SLC35F2: variants seen among roughly 807,000 people sequenced by gnomAD.
SLC35F2 encodes queuine/queuosine transporter SLC35F2.
SLC35F2 carries 25 observed loss-of-function variants against 38.1 expected under a neutral mutation model. The ratio of observed to expected loss-of-function variants is 0.66; its 90% CI spans 0.48 to 0.92. SLC35F2 has a LOEUF of 0.92. Among genes scored for constraint, SLC35F2 ranks in the 40% least tolerant of loss-of-function variants. The pLI, the probability that SLC35F2 is intolerant of heterozygous loss-of-function variation, is 0.00. For synonymous variants in SLC35F2, 173 were observed against 181.7 expected, an observed-to-expected ratio of 0.95 and a Z score of 0.38; for missense variants, 409 against 452.9, an observed-to-expected ratio of 0.90 and a Z score of 0.88.
intron 7 of SLC35F2, among the ~76,000 whole-genome samples, chr11:107,796,401 A>G (rs1338810614): frequency 6.6e-6 from 1 of 152,220 alleles, no homozygotes; most frequent in Non-Finnish European, 1.5e-5. Context: ...GGACAAATGA[A>G]TAACGAAAAT....
chr11:107,809,329 C>CCAAAAAAA (rs1859445200), intron 3 of SLC35F2, among the ~76,000 whole-genome samples: 1 of 96,120 alleles, frequency 1.0e-5, no homozygotes. Context: ...ACTCAAAATA[C>CCAAAAAAA]AAAAAAAAAA....
Position 107,806,548 on chromosome 11 carries a change from T to C in SLC35F2, c.574+169A>G, listed in dbSNP as rs534212470. On this transcript the variant is annotated intron_variant, in intron 4 of 7. Coordinates refer to ENST00000525815, the MANE Select transcript of SLC35F2 (RefSeq NM_017515.5). ...ATTGGATGAATTCATAGACCTCAAT[T>C]AGATTTTATACTATCAACTGAATTC... 263 of 634,512 alleles carry C rather than the reference T, an allele frequency of 4.1e-4. No homozygotes were observed. The East Asian group carries it at 6.1e-3, about 15-fold the overall frequency. 39.3% of individuals were successfully genotyped at this position (634,512 alleles called of 1,614,324 possible). A position where few individuals can be genotyped will look rare whatever the true frequency, so the allele number is the denominator to read the frequency against.
chr11:107,835,745 GT>G (rs11426776), intron 1 of SLC35F2, among the ~76,000 whole-genome samples: 80,711 of 151,772 alleles, frequency 0.53, 22,574 homozygotes, highest in African/African-American at 0.73. Flanking sequence ...AATTCAGCAT[GT>G]TTTTTTTAGA....
intron 7 of SLC35F2, among the ~76,000 whole-genome samples, chr11:107,796,733 A>G (rs1859223152): frequency 6.6e-6 from 1 of 152,116 alleles, no homozygotes. Flanking sequence ...CAGTAGTTCA[A>G]TTTCAGCTCA....
At chr11:107,818,881 C>G (rs1268756354) in intron 1 of SLC35F2, among the ~76,000 whole-genome samples, 1 of 152,178 alleles carries the variant, frequency 6.6e-6, no homozygotes, top group Non-Finnish European at 1.5e-5. Context: ...TGGCTCACGC[C>G]TGTAATTCCA....
chr11:107,810,902 T>G (rs1237168687), intron 3 of SLC35F2: 2 of 980,688 alleles, frequency 2.0e-6, no homozygotes, highest in Non-Finnish European at 2.4e-6. Context: ...GAAAGGGACA[T>G]ATCAAAAAGT....
At chr11:107,804,105 G>A (rs756366935) in intron 6 of SLC35F2, among the ~76,000 whole-genome samples, 3 of 151,646 alleles carry the variant, frequency 2.0e-5, no homozygotes, top group Non-Finnish European at 4.4e-5. Context: ...CAAAGTGCTG[G>A]GATTACGGGC....
chr11:107,852,326 C>T (rs375069946), intron 1 of SLC35F2, among the ~76,000 whole-genome samples: 9 of 151,608 alleles, frequency 5.9e-5, no homozygotes, highest in African/African-American at 1.2e-4. Flanking sequence ...CCGAGGCAGG[C>T]GAATCACGAG....
chr11:107,858,632 A>C (rs762668147), intron 1 of SLC35F2, 26 bp downstream of exon 1: 2 of 1,269,076 alleles, frequency 1.6e-6, no homozygotes, highest in African/African-American at 3.1e-5. Flanking sequence ...GCCCCAGCGG[A>C]GCTGCAGCAC....
At chr11:107,829,852 A>G (rs1859808954) in intron 1 of SLC35F2, among the ~76,000 whole-genome samples, 1 of 152,192 alleles carries the variant, frequency 6.6e-6, no homozygotes, top group African/African-American at 2.4e-5. Flanking sequence ...GCAACAAACT[A>G]TAGTGGTGCT....
chr11:107,806,912 C>T (rs750895895), intron 3 of SLC35F2, 36 bp from the exon 4 acceptor site: 2 of 1,588,042 alleles, frequency 1.3e-6, no homozygotes, highest in Non-Finnish European at 1.7e-6. Flanking sequence ...TAAAACATAT[C>T]TCTCATTAGC....
At chr11:107,802,026 G>A (rs1859316934) in intron 7 of SLC35F2, among the ~76,000 whole-genome samples, 1 of 152,046 alleles carries the variant, frequency 6.6e-6, no homozygotes, top group Non-Finnish European at 1.5e-5. Flanking sequence ...ATCATCTGAG[G>A]TCAGGAGTTC....
At chr11:107,804,959 G>T in intron 5 of SLC35F2, 189 bp from the exon 6 acceptor site, 1 of 810,918 alleles carries the variant, frequency 1.2e-6, no homozygotes, top group Non-Finnish European at 1.5e-6. Flanking sequence ...ATAAAGATAT[G>T]TTTGACTCCC....
chr11:107,807,356 G>A (rs1305342781), intron 3 of SLC35F2, among the ~76,000 whole-genome samples: 1 of 151,352 alleles, frequency 6.6e-6, no homozygotes, highest in Non-Finnish European at 1.5e-5. Flanking sequence ...AGGCTAAGGT[G>A]AGAGGATCAC....
chr11:107,846,956 T>C (rs572274307), intron 1 of SLC35F2, among the ~76,000 whole-genome samples: 26 of 151,400 alleles, frequency 1.7e-4, no homozygotes, highest in African/African-American at 6.1e-4. Flanking sequence ...TGAATTTTAA[T>C]GCTTAAAAGA....
intron 3 of SLC35F2, 64 bp downstream of exon 3, chr11:107,811,603 A>G (rs945242492): frequency 2.4e-5 from 35 of 1,464,508 alleles, no homozygotes; most frequent in Non-Finnish European, 3.1e-5. Flanking sequence ...AGGTCAACAC[A>G]TATGACTTCG....
intron 1 of SLC35F2, among the ~76,000 whole-genome samples, chr11:107,827,340 C>T (rs779441614): frequency 2.0e-5 from 3 of 152,106 alleles, no homozygotes; most frequent in Non-Finnish European, 2.9e-5. Flanking sequence ...AGGAGCTGGG[C>T]GTGGTGGCTC....
intron 1 of SLC35F2, among the ~76,000 whole-genome samples, chr11:107,852,850 G>A (rs1474612154): frequency 6.7e-6 from 1 of 148,490 alleles, no homozygotes; most frequent in East Asian, 2.0e-4. Flanking sequence ...ACTCCAGCCT[G>A]GGCAACAGAA....
intron 3 of SLC35F2, chr11:107,810,982 AAAC>A (rs1388693614): frequency 1.0e-6 from 1 of 983,650 alleles, no homozygotes; most frequent in Non-Finnish European, 1.2e-6. Flanking sequence ...AAAAAGTTAT[AAAC>A]AAACTGTGAC....
Sources: allele counts gnomAD v4.1 joint callset (sites outside exome capture counted in the v4.1 genomes callset), GRCh38; gene constraint gnomAD v4.1.1; transcripts MANE v1.5; gene names NCBI Gene and HGNC (gene_info 2026-07-23, HGNC 2026-07-21).